POLR2H: variants seen among roughly 807,000 people sequenced by gnomAD.
POLR2H encodes RNA polymerase II, I and III subunit H.
POLR2H carries 3 observed loss-of-function variants against 18.1 expected under a neutral mutation model. The ratio of observed to expected loss-of-function variants is 0.17; its 90% CI spans 0.08 to 0.43. The LOEUF (loss-of-function observed/expected upper bound fraction) is 0.43. POLR2H is among the 20% of genes least tolerant of loss of function. The pLI is 0.99. For missense variants in POLR2H, 103 were observed against 184.6 expected, an observed-to-expected ratio of 0.56 and a Z score of 2.56; for synonymous variants, 76 against 69.0, an observed-to-expected ratio of 1.10 and a Z score of -0.50.
At chr3:184,367,221 TTTTTC>T (rs376936672) in intron 5 of POLR2H, among the ~76,000 whole-genome samples, 1 of 152,070 alleles carries the variant, frequency 6.6e-6, no homozygotes, top group African/African-American at 2.4e-5. Context: ...GTCCAGCTAT[TTTTTC>T]TTTTCTTTAA....
intron 5 of POLR2H, 80 bp from the exon 6 acceptor site, chr3:184,368,097 C>T (rs1713646080): frequency 1.9e-6 from 3 of 1,610,132 alleles, no homozygotes; most frequent in Non-Finnish European, 2.5e-6. Context: ...AGGAAGATGC[C>T]TCTTCTCTTT....
rs542776179 is a variant in POLR2H, at chr3:184,362,687, G to A, written c.-620-186G>A. The stretch of plus-strand genomic sequence containing the variant: ...CGGAGGGGATCCGTGTCCAGGAGAA[G>A]GCAGTGGAGGGGGAACGCGCAGCAC... On this transcript the variant is annotated intron_variant, in intron 1 of 5. Transcript: ENST00000456318. The surrounding 1 kb of genome is among the most constrained non-coding windows in gnomAD (Gnocchi z 5.9). The A allele has an allele frequency of 6.6e-6, 1 of 152,366 alleles. No homozygotes were observed. Among genetic ancestry groups the A allele is most frequent in the South Asian group, 2.1e-4 (1 of 4,834 alleles). 9.4% of individuals were successfully genotyped at this position (152,366 alleles called of 1,614,324 possible).
At chr3:184,365,281 A>C (rs1713037287) in intron 4 of POLR2H, 55 bp downstream of exon 4, 1 of 1,005,714 alleles carries the variant, frequency 9.9e-7, no homozygotes, top group Non-Finnish European at 1.6e-6. Flanking sequence ...TAAGTAGATA[A>C]GTGATATAGA....
rs552308047 is a variant in POLR2H, at chr3:184,363,369, C to G, written c.-124C>G. 3 of 792,568 alleles carry G rather than the reference C, an allele frequency of 3.8e-6. No individual in the cohort carries two copies. The highest frequency in any genetic ancestry group is 4.0e-5 in the Admixed American group (2 of 49,466). The allele number at this position is 792,568 out of a possible 1,614,324, so 49.1% of individuals were successfully genotyped here. A position where few individuals can be genotyped will look rare whatever the true frequency, so the allele number is the denominator to read the frequency against. ...GTTTGTGCGCATGCGCCACTCTCGT[C>G]TGGCCGCCGCGCTTTCAGGAGGTGC... On this transcript the variant is annotated 5_prime_UTR_variant, in exon 2 of 6. Coordinates refer to ENST00000456318, the MANE Select transcript of POLR2H (RefSeq NM_006232.5).
chr3:184,365,963 G>A (rs1337263940), intron 4 of POLR2H, among the ~76,000 whole-genome samples: 6 of 141,542 alleles, frequency 4.2e-5, no homozygotes, highest in Admixed American at 1.4e-4. Context: ...GCGACAGAGC[G>A]AGACTCCGTC....
Position 184,363,102 on chromosome 3 carries a change from C to T in POLR2H, c.-391C>T. ...CTTCTCTGGGCCAAGGATCAAGGTC[C>T]CTGCCTGGGTTAGGCCCCCACGCAT... On this transcript the variant is annotated 5_prime_UTR_variant, in exon 2 of 6. Transcript: ENST00000456318. The T allele has an allele frequency of 3.3e-6, 1 of 305,662 alleles. No homozygotes were observed. Among genetic ancestry groups the T allele is most frequent in the Non-Finnish European group, 6.3e-6 (1 of 157,946 alleles). 18.9% of individuals were successfully genotyped at this position (305,662 alleles called of 1,614,324 possible).
At chr3:184,364,868 G>T in intron 2 of POLR2H, 98 bp from the exon 3 acceptor site, 1 of 786,890 alleles carries the variant, frequency 1.3e-6, no homozygotes, top group Non-Finnish European at 2.2e-6. Flanking sequence ...ACCACTGGAT[G>T]TAGACTGGGT....
rs184619085 is a variant in POLR2H, at chr3:184,364,771, C to T, written c.74-195C>T. On this transcript the variant is annotated intron_variant, in intron 2 of 5. Transcript: ENST00000456318. ...ATCTTTGGTTGTTTTCTGGGGATTA[C>T]GTTCGCTTGCCACAGTTTTTCTCCC... The T allele has an allele frequency of 1.0e-5, 6 of 578,540 alleles. No individual in the cohort carries two copies. The Admixed American group carries it at 1.6e-4, about 15-fold the overall frequency. The allele number at this position is 578,540 out of a possible 1,614,324, so 35.8% of individuals were successfully genotyped here. A position where few individuals can be genotyped will look rare whatever the true frequency, so the allele number is the denominator to read the frequency against.
chr3:184,365,844 C>T lies in POLR2H; in HGVS notation c.251+618C>T, dbSNP rs1169051506. Among the ~76,000 whole-genome samples, 11 of 150,476 alleles carry T rather than the reference C, an allele frequency of 7.3e-5. No individual in the cohort carries two copies. The East Asian group carries it at 1.2e-3, about 16-fold the overall frequency. On this transcript the variant is annotated intron_variant, in intron 4 of 5. Coordinates refer to ENST00000456318, the MANE Select transcript of POLR2H (RefSeq NM_006232.5). The stretch of plus-strand genomic sequence containing the variant: ...AAAAAAAATTAGCCGGGCGTAGTGG[C>T]GGGCGCCTGTAGTCCCAGCTACTTG...
intron 2 of POLR2H, among the ~76,000 whole-genome samples, chr3:184,363,975 T>C (rs930347228): frequency 4.6e-5 from 7 of 152,032 alleles, no homozygotes; most frequent in Non-Finnish European, 7.4e-5. Context: ...TGCCTGAACC[T>C]GGGAGGCGGA....
chr3:184,368,403 TC>T lies in POLR2H; in HGVS notation c.*111del. On this transcript the variant is annotated 3_prime_UTR_variant, in exon 6 of 6. Coordinates refer to ENST00000456318, the MANE Select transcript of POLR2H (RefSeq NM_006232.5). Reference sequence around the variant, plus strand: ...CTGTTGAGGAAGGGCTGGCTCACTGTCCACCGTGGCGGCATCTTTAACTGGC... The same window carrying T: ...CTGTTGAGGAAGGGCTGGCTCACTGTCACCGTGGCGGCATCTTTAACTGGC... 1.1e-6 allele frequency: 1 copy of T among 892,176 alleles called. No homozygotes were observed. Among genetic ancestry groups the T allele is most frequent in the Non-Finnish European group, 1.7e-6 (1 of 596,080 alleles). The allele number at this position is 892,176 out of a possible 1,614,324, so 55.3% of individuals were successfully genotyped here.
chr3:184,364,746 A>AT (rs1473236831), intron 2 of POLR2H: 23 of 567,740 alleles, frequency 4.1e-5, no homozygotes, highest in Non-Finnish European at 7.2e-5. Context: ...CTGCTGGAGT[A>AT]TCTTTGGTTG....
intron 5 of POLR2H, among the ~76,000 whole-genome samples, chr3:184,367,736 C>T (rs556016511): frequency 4.6e-5 from 7 of 152,154 alleles, no homozygotes; most frequent in South Asian, 2.1e-4. Flanking sequence ...GTGATCCGCC[C>T]GCCTCAGCCT....
At position 184,363,412 on chromosome 3, in the gene POLR2H, C is replaced by A; in HGVS notation, c.-81C>A. 3 of 1,196,894 alleles carry A rather than the reference C, an allele frequency of 2.5e-6. No homozygotes were observed. The highest frequency in any genetic ancestry group is 2.5e-5 in the South Asian group (2 of 80,138). The allele number at this position is 1,196,894 out of a possible 1,614,324, so 74.1% of individuals were successfully genotyped here. ...GGAGGTGCTTTTGGTTCTCTCCGGT[C>A]TTGTCCACGCTAGGGGGTGCACGTA... On this transcript the variant is annotated 5_prime_UTR_variant, in exon 2 of 6. Transcript: ENST00000456318.
In POLR2H at chr3:184,366,930, A is replaced by G; in HGVS notation, c.335+130A>G. 4.6e-6 allele frequency: 3 copies of G among 648,042 alleles called. No individual in the cohort carries two copies. The South Asian group carries it at 5.2e-5, about 11-fold the overall frequency. The allele number at this position is 648,042 out of a possible 1,614,324, so 40.1% of individuals were successfully genotyped here. A position where few individuals can be genotyped will look rare whatever the true frequency, so the allele number is the denominator to read the frequency against. On this transcript the variant is annotated intron_variant, in intron 5 of 5. Transcript: ENST00000456318. Reference sequence around the variant, plus strand: ...ACCGAGGTGGGAACTAGAAAGAAATAGTTCTGGGAGCAGTTTCCAGTCTGA... The same window carrying G: ...ACCGAGGTGGGAACTAGAAAGAAATGGTTCTGGGAGCAGTTTCCAGTCTGA...
Position 184,368,574 on chromosome 3 carries a change from G to A in POLR2H, c.*280G>A, listed in dbSNP as rs577685443. 4.8e-5 allele frequency: 15 copies of A among 313,300 alleles called. No individual in the cohort carries two copies. Among genetic ancestry groups the A allele is most frequent in the African/African-American group, 3.2e-4 (15 of 46,444 alleles). 19.4% of individuals were successfully genotyped at this position (313,300 alleles called of 1,614,324 possible). A position where few individuals can be genotyped will look rare whatever the true frequency, so the allele number is the denominator to read the frequency against. On this transcript the variant is annotated 3_prime_UTR_variant, in exon 6 of 6. Coordinates refer to ENST00000456318, the MANE Select transcript of POLR2H (RefSeq NM_006232.5). The stretch of plus-strand genomic sequence containing the variant: ...CCTTTTTGTAAAAAGTCCATTTACT[G>A]TAAAATCGTTTTTTCCAGTTTGTCT...
At position 184,363,374 on chromosome 3, in the gene POLR2H, C is replaced by T. The variant is rs1163678340; in HGVS notation, c.-119C>T. 4.8e-6 allele frequency: 4 copies of T among 826,046 alleles called. No individual in the cohort carries two copies. Among genetic ancestry groups the T allele is most frequent in the Admixed American group, 2.0e-5 (1 of 49,616 alleles). The allele number at this position is 826,046 out of a possible 1,614,324, so 51.2% of individuals were successfully genotyped here. A position where few individuals can be genotyped will look rare whatever the true frequency, so the allele number is the denominator to read the frequency against. On this transcript the variant is annotated 5_prime_UTR_variant, in exon 2 of 6. Coordinates refer to ENST00000456318, the MANE Select transcript of POLR2H (RefSeq NM_006232.5). Reference sequence around the variant, plus strand: ...TGCGCATGCGCCACTCTCGTCTGGCCGCCGCGCTTTCAGGAGGTGCTTTTG... The same window carrying T: ...TGCGCATGCGCCACTCTCGTCTGGCTGCCGCGCTTTCAGGAGGTGCTTTTG...
intron 5 of POLR2H, among the ~76,000 whole-genome samples, chr3:184,367,553 C>G (rs1713534668): frequency 6.6e-6 from 1 of 150,418 alleles, no homozygotes; most frequent in Non-Finnish European, 1.5e-5. Flanking sequence ...GTGGCGCGAT[C>G]TCGGCTCACT....
chr3:184,367,637 C>T (rs1336680759), intron 5 of POLR2H, among the ~76,000 whole-genome samples: 1 of 152,008 alleles, frequency 6.6e-6, no homozygotes, highest in African/African-American at 2.4e-5. Context: ...CAGGCACCCA[C>T]CACCATGCCT....
Sources: allele counts gnomAD v4.1 joint callset (sites outside exome capture counted in the v4.1 genomes callset), GRCh38; gene constraint gnomAD v4.1.1; non-coding constraint Gnocchi (gnomAD v3.1); transcripts MANE v1.5; gene names NCBI Gene and HGNC (gene_info 2026-07-23, HGNC 2026-07-21).